Variants in MDGA2 observed in about 807,000 individuals in gnomAD.
The protein encoded by MDGA2 is MAM domain-containing glycosylphosphatidylinositol anchor protein 2.
A neutral mutation model predicts 117.8 loss-of-function variants in MDGA2; 40 were observed. The ratio of observed to expected loss-of-function variants is 0.34; its 90% CI spans 0.26 to 0.44. The LOEUF is 0.44. Ranked by LOEUF, MDGA2 falls within the 20% of genes least tolerant of loss-of-function variation. The pLI is 1.00. For missense variants in MDGA2, 1,123 were observed against 1,250.6 expected (o/e 0.90, Z 1.54); for synonymous variants, 452 against 439.0 (o/e 1.03, Z -0.37).
At chr14:47,343,443 T>C (rs1026257878) in intron 1 of MDGA2, among the ~76,000 whole-genome samples, 2 of 152,174 alleles carry the variant, frequency 1.3e-5, no homozygotes, top group Non-Finnish European at 2.9e-5. Context: ...ACATTTCACT[T>C]ATCAGTCTCA....
At chr14:46,900,788 A>C (rs902925985) in intron 10 of MDGA2, among the ~76,000 whole-genome samples, 1 of 152,128 alleles carries the variant, frequency 6.6e-6, no homozygotes, top group Non-Finnish European at 1.5e-5. Context: ...AGCTACGCAC[A>C]TGCAAACACA....
chr14:47,147,486 G>A (rs1882988505), intron 3 of MDGA2, among the ~76,000 whole-genome samples: 1 of 152,178 alleles, frequency 6.6e-6, no homozygotes, highest in Non-Finnish European at 1.5e-5. Flanking sequence ...AGGCAAAGGG[G>A]CTAAGCCTTT....
intron 3 of MDGA2, among the ~76,000 whole-genome samples, chr14:47,168,174 T>G (rs879762839): frequency 1.3e-5 from 2 of 151,498 alleles, no homozygotes; most frequent in Non-Finnish European, 2.9e-5. Context: ...CTTTTCCTCT[T>G]ATGGAGTTTC....
chr14:47,465,317 G>GA (rs574613079), intron 1 of MDGA2, among the ~76,000 whole-genome samples: 1 of 151,856 alleles, frequency 6.6e-6, no homozygotes, highest in Non-Finnish European at 1.5e-5. Flanking sequence ...GCAACAAAAG[G>GA]AAAAATTGAC....
At chr14:47,265,966 CA>C (rs1302446651) in intron 2 of MDGA2, among the ~76,000 whole-genome samples, 3 of 152,058 alleles carry the variant, frequency 2.0e-5, no homozygotes, top group Non-Finnish European at 4.4e-5. Flanking sequence ...ACTATTATTA[CA>C]ACTAATGCTA....
intron 1 of MDGA2, among the ~76,000 whole-genome samples, chr14:47,353,004 G>C (rs1890917641): frequency 6.6e-6 from 1 of 152,198 alleles, no homozygotes; most frequent in Non-Finnish European, 1.5e-5. Flanking sequence ...CACCCTGAAA[G>C]AGAGGATTCA....
At chr14:46,999,328 C>G (rs1316400337) in intron 8 of MDGA2, among the ~76,000 whole-genome samples, 4 of 151,646 alleles carry the variant, frequency 2.6e-5, no homozygotes, top group Non-Finnish European at 4.4e-5. Flanking sequence ...ATCATAAGCA[C>G]TAGCAAAAAA....
At chr14:46,981,261 G>A (rs1458989908) in intron 8 of MDGA2, among the ~76,000 whole-genome samples, 1 of 151,830 alleles carries the variant, frequency 6.6e-6, no homozygotes. Context: ...AAAACTAGCT[G>A]GCTGTGGTGG....
At chr14:47,430,520 G>A (rs1370981510) in intron 1 of MDGA2, among the ~76,000 whole-genome samples, 1 of 151,928 alleles carries the variant, frequency 6.6e-6, no homozygotes, top group Non-Finnish European at 1.5e-5. Flanking sequence ...TTTATTGGGG[G>A]TGTAAGAAAT....
intron 2 of MDGA2, among the ~76,000 whole-genome samples, chr14:47,262,193 C>T (rs908167717): frequency 5.3e-5 from 8 of 152,114 alleles, no homozygotes; most frequent in East Asian, 1.9e-4. Context: ...AATGGATTCA[C>T]CTATATAGCC....
intron 1 of MDGA2, among the ~76,000 whole-genome samples, chr14:47,561,175 G>GTTTTTTTTT (rs150826944): frequency 4.3e-5 from 3 of 69,396 alleles, no homozygotes; most frequent in Non-Finnish European, 8.3e-5. Context: ...TTTTTTGTTT[G>GTTTTTTTTT]TTTGTTTTTT....
intron 1 of MDGA2, among the ~76,000 whole-genome samples, chr14:47,374,115 T>C (rs1040864364): frequency 6.6e-5 from 10 of 152,160 alleles, no homozygotes; most frequent in African/African-American, 9.6e-5. Context: ...GCCATATTTT[T>C]CTTGAAAATA....
chr14:47,448,732 C>A (rs1032420478), intron 1 of MDGA2, among the ~76,000 whole-genome samples: 1 of 152,020 alleles, frequency 6.6e-6, no homozygotes, highest in African/African-American at 2.4e-5. Flanking sequence ...AATTATCAAG[C>A]GTAAGAAAGA....
intron 3 of MDGA2, among the ~76,000 whole-genome samples, chr14:47,168,000 T>A (rs1883956821): frequency 6.6e-6 from 1 of 152,202 alleles, no homozygotes; most frequent in Non-Finnish European, 1.5e-5. Context: ...ACACATTGTT[T>A]ATGGATAAAT....
rs145686365 is a variant in MDGA2 at position 47,010,768 on chromosome 14, T to A, written c.1819+24243A>T. 1.5e-3 allele frequency among the ~76,000 whole-genome samples: 234 copies of A among 152,198 alleles called. 2 individuals are homozygous for A. The highest frequency in any genetic ancestry group is 5.3e-3 in the African/African-American group (221 of 41,566). The stretch of plus-strand genomic sequence containing the variant: ...TGTGAAATTTAAGTTTTTCTAGTCA[T>A]TGAATATAAACAATTGCATAGAAAT... On this transcript the variant is annotated intron_variant, in intron 8 of 16. Coordinates refer to ENST00000399232, the MANE Select transcript of MDGA2 (RefSeq NM_001113498.3).
chr14:47,406,559 AT>A (rs375561952), intron 1 of MDGA2, among the ~76,000 whole-genome samples: 1 of 152,122 alleles, frequency 6.6e-6, no homozygotes, highest in African/African-American at 2.4e-5. Context: ...CATCCTATTA[AT>A]TTTCTCTTCT....
At chr14:47,173,478 G>A (rs1438612186) in intron 3 of MDGA2, among the ~76,000 whole-genome samples, 1 of 152,214 alleles carries the variant, frequency 6.6e-6, no homozygotes, top group Non-Finnish European at 1.5e-5. Flanking sequence ...AGCCAGAAGA[G>A]AGTGGAGGCC....
rs760411274 is a variant in MDGA2, at chr14:47,674,678, G to T, written c.119C>A (p.Ala40Glu). ...AVPGHLGLAR[A>E]RVERAWLAAG... Reference sequence around the variant, plus strand: ...GGCCAGCCAGGCGCGCTCCACTCGCGCCCGGGCCAAGCCGAGGTGCCCGGG... The same window carrying T: ...GGCCAGCCAGGCGCGCTCCACTCGCTCCCGGGCCAAGCCGAGGTGCCCGGG... Residue 40 changes from alanine (A) to glutamate (E), a missense_variant, in exon 1 of 17, where the codon GCG becomes GAG. This residue lies in a region of MDGA2 where 233 missense variants were observed against 200.3 expected (regional missense o/e 1.16). Transcript: ENST00000399232. 7.8e-7 allele frequency: 1 copy of T among 1,286,590 alleles called. No homozygotes were observed. The highest frequency in any genetic ancestry group is 1.3e-5 in the South Asian group (1 of 78,740). The allele number at this position is 1,286,590 out of a possible 1,614,324, so 79.7% of individuals were successfully genotyped here.
At chr14:47,663,193 T>C (rs1461544254) in intron 1 of MDGA2, among the ~76,000 whole-genome samples, 1 of 152,212 alleles carries the variant, frequency 6.6e-6, no homozygotes, top group African/African-American at 2.4e-5. Flanking sequence ...GACTGACAAC[T>C]GTGAAATTAC....
Sources: gnomAD v4.1 joint callset for allele counts (sites outside exome capture counted in the v4.1 genomes callset) on GRCh38, gnomAD v4.1.1 for gene constraint, gnomAD v4.1.1 regional missense constraint, MANE v1.5 for transcripts, NCBI Gene and HGNC (gene_info 2026-07-23, HGNC 2026-07-21) for gene names.